The following KALRN variants were observed in gnomAD, a reference collection of about 807,000 sequenced individuals.
KALRN encodes the protein kalirin.
A neutral mutation model predicts 353.7 loss-of-function variants in KALRN; 70 were observed. That is an observed-to-expected ratio of 0.20 (90% confidence interval 0.16 to 0.24). The LOEUF (loss-of-function observed/expected upper bound fraction) is 0.24. Among genes scored for constraint, KALRN ranks in the 10% least tolerant of loss-of-function variants. The pLI is 1.00. For missense variants in KALRN, 2,791 were observed against 3,756.7 expected (o/e 0.74, Z 6.72); for synonymous variants, 1,391 against 1,434.8 (o/e 0.97, Z 0.69).
intron 1 of KALRN, among the ~76,000 whole-genome samples, chr3:124,133,312 A>G (rs1037568081): frequency 1.3e-5 from 2 of 152,180 alleles, no homozygotes; most frequent in Admixed American, 1.3e-4. Context: ...TTTAAAAAAC[A>G]AAACAACAAC....
chr3:124,619,962 T>A (rs1223671743), intron 34 of KALRN, among the ~76,000 whole-genome samples: 5 of 152,006 alleles, frequency 3.3e-5, no homozygotes, highest in Non-Finnish European at 7.4e-5. Context: ...GATGATATCA[T>A]AGTGAAACCA....
At position 124,484,932 on chromosome 3, in the gene KALRN, C is replaced by T. The variant is rs568355169; in HGVS notation, c.4284+2032C>T. Among the ~76,000 whole-genome samples, 5 of 152,046 alleles carry T rather than the reference C, an allele frequency of 3.3e-5. 1 individual carries two copies. The highest frequency in any genetic ancestry group is 9.6e-5 in the African/African-American group (4 of 41,454). On this transcript the variant is annotated intron_variant, in intron 28 of 59. Transcript: ENST00000682506. ...CAGCCTGGCCAACATGGCGAAACCC[C>T]GTCTCTACAAAAAATTAGCTGGGCA...
At chr3:124,134,389 A>G (rs554324406) in intron 1 of KALRN, among the ~76,000 whole-genome samples, 1 of 152,340 alleles carries the variant, frequency 6.6e-6, no homozygotes, top group Admixed American at 6.5e-5. Context: ...CTCAAGGTGG[A>G]TTAAAGACTT....
At chr3:124,696,024 G>A in intron 53 of KALRN, 110 bp from the exon 54 acceptor site, 1 of 1,111,546 alleles carries the variant, frequency 9.0e-7, no homozygotes, top group Admixed American at 2.0e-5. Flanking sequence ...ACTGACCTCG[G>A]GCCTGAGGAC....
intron 34 of KALRN, among the ~76,000 whole-genome samples, chr3:124,592,652 C>G (rs1578201542): frequency 6.6e-6 from 1 of 152,182 alleles, no homozygotes; most frequent in East Asian, 1.9e-4. Flanking sequence ...ATTATTCCAG[C>G]CCCCATGGTG....
intron 10 of KALRN, among the ~76,000 whole-genome samples, chr3:124,382,243 A>G (rs1156461699): frequency 6.6e-6 from 1 of 152,216 alleles, no homozygotes; most frequent in Non-Finnish European, 1.5e-5. Context: ...CGAAATATTT[A>G]ATAATAATTA....
At chr3:124,535,383 G>A (rs2068421486) in intron 33 of KALRN, among the ~76,000 whole-genome samples, 1 of 152,112 alleles carries the variant, frequency 6.6e-6, no homozygotes, top group Admixed American at 6.5e-5. Context: ...GAGACTTTCT[G>A]GCTCTGCTTA....
intron 3 of KALRN, among the ~76,000 whole-genome samples, chr3:124,262,054 T>C (rs1427793242): frequency 1.3e-5 from 2 of 152,114 alleles, no homozygotes; most frequent in Non-Finnish European, 2.9e-5. Context: ...CGGGCAAAGA[T>C]TTTAAAAATT....
At chr3:124,356,430 T>C (rs2083426966) in intron 10 of KALRN, among the ~76,000 whole-genome samples, 1 of 150,464 alleles carries the variant, frequency 6.6e-6, no homozygotes, top group African/African-American at 2.5e-5. Flanking sequence ...GCCTCCCGGG[T>C]TCAAGTGATT....
chr3:124,166,406 T>C (rs980722685), intron 1 of KALRN, among the ~76,000 whole-genome samples: 4 of 152,228 alleles, frequency 2.6e-5, no homozygotes, highest in African/African-American at 9.6e-5. Context: ...TGATGTTTCA[T>C]AGATGTTTCT....
intron 47 of KALRN, among the ~76,000 whole-genome samples, chr3:124,670,962 C>T (rs1015286152): frequency 3.3e-5 from 5 of 152,118 alleles, no homozygotes; most frequent in East Asian, 1.9e-4. Flanking sequence ...TCATCTCTCC[C>T]GACCTCACCA....
chr3:124,229,013 G>A (rs2078873654), intron 2 of KALRN, among the ~76,000 whole-genome samples: 1 of 150,754 alleles, frequency 6.6e-6, no homozygotes, highest in African/African-American at 2.4e-5. Context: ...TACATTTAGG[G>A]CCCACCTAGA....
intron 1 of KALRN, among the ~76,000 whole-genome samples, chr3:124,206,207 G>A (rs1046759981): frequency 6.6e-6 from 1 of 152,168 alleles, no homozygotes; most frequent in African/African-American, 2.4e-5. Context: ...CCTGGTTGAT[G>A]ACAACCCAGG....
chr3:124,037,949 G>A (rs978073887), intron 1 of KALRN, among the ~76,000 whole-genome samples: 9 of 152,140 alleles, frequency 5.9e-5, no homozygotes, highest in African/African-American at 2.2e-4. Flanking sequence ...AAATCCAGAT[G>A]GAGTTGTTTT....
intron 22 of KALRN, 87 bp from the exon 23 acceptor site, chr3:124,456,523 T>C (rs2059317488): frequency 2.4e-6 from 2 of 832,368 alleles, no homozygotes; most frequent in East Asian, 5.3e-5. Context: ...TATATCTTTT[T>C]TTCCCCCTTT....
At chr3:124,542,307 C>T (rs569190181) in intron 33 of KALRN, among the ~76,000 whole-genome samples, 1 of 152,222 alleles carries the variant, frequency 6.6e-6, no homozygotes, top group African/African-American at 2.4e-5. Flanking sequence ...ACTTAGTAGC[C>T]GTGTGACTTG....
At chr3:124,416,449 C>T (rs1338958873) in intron 14 of KALRN, among the ~76,000 whole-genome samples, 1 of 152,236 alleles carries the variant, frequency 6.6e-6, no homozygotes, top group Non-Finnish European at 1.5e-5. Flanking sequence ...TGAGCTTTGT[C>T]AAAAGAGGTT....
intron 34 of KALRN, among the ~76,000 whole-genome samples, chr3:124,602,939 G>GTTT: frequency 2.7e-5 from 1 of 37,514 alleles, no homozygotes; most frequent in Non-Finnish European, 4.8e-5. Context: ...CAGTTTTCGT[G>GTTT]GTTTTTTTTT....
intron 5 of KALRN, among the ~76,000 whole-genome samples, chr3:124,294,428 TA>T (rs2149173198): frequency 6.6e-6 from 1 of 152,048 alleles, no homozygotes; most frequent in East Asian, 1.9e-4. Flanking sequence ...GGGATTGTTT[TA>T]TGGATGCAAT....
Sources: gnomAD v4.1 joint callset for allele counts (sites outside exome capture counted in the v4.1 genomes callset) on GRCh38, gnomAD v4.1.1 for gene constraint, MANE v1.5 for transcripts, NCBI Gene and HGNC (gene_info 2026-07-23, HGNC 2026-07-21) for gene names.